C11orf24: variants seen among roughly 807,000 people sequenced by gnomAD.
C11orf24 encodes the protein chromosome 11 open reading frame 24.
Under a neutral mutation model 7.3 loss-of-function variants are expected in C11orf24, and 5 were observed. The ratio of observed to expected loss-of-function variants is 0.69; its 90% CI spans 0.36 to 1.45. The LOEUF is 1.45. Among genes scored for constraint, C11orf24 ranks in the 40% most tolerant of loss-of-function variants. C11orf24 has a pLI of 0.03. For missense variants in C11orf24, 566 were observed against 590.5 expected (o/e 0.96, Z 0.43); for synonymous variants, 233 against 235.7 (o/e 0.99, Z 0.11).
In C11orf24 at chr11:68,261,494, T is replaced by G. The variant is rs2098561561; in HGVS notation, c.*151A>C. On this transcript the variant is annotated 3_prime_UTR_variant, in exon 4 of 4. Transcript: ENST00000304271. ...AAAAGCAGCAACTCTTTAGTGATCA[T>G]GGAATTAATCTGACAGCAATTAAAT... The G allele has an allele frequency of 9.3e-6, 6 of 646,422 alleles. No homozygotes were observed. The East Asian group carries it at 1.6e-4, about 18-fold the overall frequency. 40.0% of individuals were successfully genotyped at this position (646,422 alleles called of 1,614,324 possible). A position where few individuals can be genotyped will look rare whatever the true frequency, so the allele number is the denominator to read the frequency against.
intron 2 of C11orf24, 54 bp from the exon 3 acceptor site, chr11:68,263,920 C>T (rs2098563255): frequency 1.6e-6 from 1 of 639,230 alleles, no homozygotes; most frequent in Non-Finnish European, 2.7e-6. Context: ...AACACACAGC[C>T]TTGCCTGAGA....
Position 68,261,551 on chromosome 11 carries a change from G to C in C11orf24, c.*94C>G. The C allele has an allele frequency of 8.9e-7, 1 of 1,123,352 alleles. No individual in the cohort carries two copies. The highest frequency in any genetic ancestry group is 1.5e-5 in the South Asian group (1 of 65,084). The allele number at this position is 1,123,352 out of a possible 1,614,324, so 69.6% of individuals were successfully genotyped here. A position where few individuals can be genotyped will look rare whatever the true frequency, so the allele number is the denominator to read the frequency against. On this transcript the variant is annotated 3_prime_UTR_variant, in exon 4 of 4. Coordinates refer to ENST00000304271, the MANE Select transcript of C11orf24 (RefSeq NM_022338.4). The stretch of plus-strand genomic sequence containing the variant: ...AAGCATCTGGCATATCTCCTCAATT[G>C]CACCAAAAGAATTTGGAAGCACTTG...
intron 2 of C11orf24, among the ~76,000 whole-genome samples, chr11:68,265,494 C>T (rs1387449569): frequency 2.6e-5 from 4 of 152,284 alleles, no homozygotes; most frequent in Middle Eastern, 3.4e-3. Context: ...GTGATGTGGA[C>T]GCCTTAACAC....
At chr11:68,264,566 C>CA (rs2098563826) in intron 2 of C11orf24, among the ~76,000 whole-genome samples, 2 of 140,788 alleles carry the variant, frequency 1.4e-5, no homozygotes, top group South Asian at 4.8e-4. Flanking sequence ...ACCCACTATT[C>CA]TATCCATCTA....
At chr11:68,263,267 C>T in intron 3 of C11orf24, 1 of 413,954 alleles carries the variant, frequency 2.4e-6, no homozygotes, top group Non-Finnish European at 4.4e-6. Flanking sequence ...ACTGAACGCA[C>T]ACCCAGGTTT....
At chr11:68,269,849 G>A (rs1414745508) in intron 1 of C11orf24, among the ~76,000 whole-genome samples, 1 of 152,152 alleles carries the variant, frequency 6.6e-6, no homozygotes. Flanking sequence ...GGCCTTCATT[G>A]TCCTATGACT....
chr11:68,264,321 ACCATTCATCCATCAATCCAC>A (rs544301031), intron 2 of C11orf24, among the ~76,000 whole-genome samples: 1 of 151,550 alleles, frequency 6.6e-6, no homozygotes, highest in South Asian at 2.1e-4. Context: ...ATACTACTTA[ACCATTCATCCATCAATCCAC>A]CCATTCATCC....
At chr11:68,266,621 G>A (rs1295384452) in intron 2 of C11orf24, among the ~76,000 whole-genome samples, 1 of 152,128 alleles carries the variant, frequency 6.6e-6, no homozygotes, top group African/African-American at 2.4e-5. Context: ...GTGTGGCGGG[G>A]GGGATGGGGA....
rs1486614689 is a variant in C11orf24 at position 68,261,375 on chromosome 11, G to A, written c.*270C>T. ...AGTACTTTAATTCAGGTCAGGCTCCGACACCTGGGGAGACGGGGTCCTGCC... is the reference window on the plus strand; with the variant it reads ...AGTACTTTAATTCAGGTCAGGCTCCAACACCTGGGGAGACGGGGTCCTGCC... On this transcript the variant is annotated 3_prime_UTR_variant, in exon 4 of 4. Transcript: ENST00000304271. 9.3e-6 allele frequency: 4 copies of A among 431,042 alleles called. No individual in the cohort carries two copies. The highest frequency in any genetic ancestry group is 3.1e-5 in the South Asian group (1 of 32,686). The allele number at this position is 431,042 out of a possible 1,614,324, so 26.7% of individuals were successfully genotyped here.
chr11:68,266,215 TG>T (rs2098565047), intron 2 of C11orf24, among the ~76,000 whole-genome samples: 1 of 152,136 alleles, frequency 6.6e-6, no homozygotes, highest in East Asian at 1.9e-4. Context: ...GGGAGTGACA[TG>T]GGACATGGGA....
intron 1 of C11orf24, among the ~76,000 whole-genome samples, chr11:68,270,889 T>G (rs756023187): frequency 3.0e-4 from 46 of 152,346 alleles, no homozygotes; most frequent in Admixed American, 5.9e-4. Flanking sequence ...TATGGCTTTG[T>G]GTATATAGAC....
intron 2 of C11orf24, among the ~76,000 whole-genome samples, chr11:68,264,363 C>T (rs998693425): frequency 3.0e-4 from 46 of 151,840 alleles, no homozygotes; most frequent in East Asian, 1.2e-3. Flanking sequence ...TCCACCTGCC[C>T]GCCCACCCAT....
chr11:68,269,103 C>A (rs936693462), intron 1 of C11orf24, among the ~76,000 whole-genome samples: 1 of 109,748 alleles, frequency 9.1e-6, no homozygotes, highest in Non-Finnish European at 1.8e-5. Context: ...TACTTCATAT[C>A]TTTCCTTCTT....
At chr11:68,265,703 G>C (rs1407707053) in intron 2 of C11orf24, among the ~76,000 whole-genome samples, 2 of 152,208 alleles carry the variant, frequency 1.3e-5, no homozygotes, top group East Asian at 3.9e-4. Context: ...GCCCAGGGTG[G>C]TCTCCAGCTC....
At position 68,262,611 on chromosome 11, in the gene C11orf24, C is replaced by T. The variant is rs1256353287; in HGVS notation, c.384G>A (p.Val128=). 1 of 1,613,480 alleles carries T rather than the reference C, an allele frequency of 6.2e-7. No homozygotes were observed. Among genetic ancestry groups the T allele is most frequent in the African/African-American group, 1.3e-5 (1 of 74,858 alleles). The change falls in exon 4 of 4, where the codon GTG becomes GTA. Residue 128 remains valine (V), a synonymous_variant. Coordinates refer to ENST00000304271, the MANE Select transcript of C11orf24 (RefSeq NM_022338.4). ...SITTAASSMT[V]ASSAPTTAAS... is the part of the protein sequence containing the mutation. ...CTGCAGTCGTGGGAGCACTGGAGGCCACAGTCATACTGGAGGCCGCAGTCG... is the reference window on the plus strand; with the variant it reads ...CTGCAGTCGTGGGAGCACTGGAGGCTACAGTCATACTGGAGGCCGCAGTCG...
chr11:68,263,709 G>A lies in C11orf24; in HGVS notation c.59C>T (p.Ala20Val), dbSNP rs756449465. ...IFSLSLSESH[A>V]ASNDPRNFVP... ...TCACTTACGTGGATCGTTGGATGCC[G>A]CATGGCTTTCAGATAAGGACAAGGA... Residue 20 changes from alanine (A) to valine (V), a missense_variant, in exon 3 of 4, where the codon GCG (alanine) becomes GTG (valine). Coordinates refer to ENST00000304271, the MANE Select transcript of C11orf24 (RefSeq NM_022338.4). The A allele has an allele frequency of 9.9e-6, 16 of 1,613,326 alleles. No homozygotes were observed. The highest frequency in any genetic ancestry group is 4.5e-5 in the East Asian group (2 of 44,886).
At chr11:68,270,702 T>G (rs2098567500) in intron 1 of C11orf24, among the ~76,000 whole-genome samples, 1 of 152,006 alleles carries the variant, frequency 6.6e-6, no homozygotes, top group African/African-American at 2.4e-5. Flanking sequence ...CCACATTCTA[T>G]CAGGCTATTA....
Position 68,262,833 on chromosome 11 carries a change from A to G in C11orf24, c.162T>C (p.Asp54=), listed in dbSNP as rs949625885. ...VETVDNKTSE[D]VTMAAASPVT... The stretch of plus-strand genomic sequence containing the variant: ...CAGGAGAAGCTGCTGCCATGGTTAC[A>G]TCCTCAGACGTTTTATTATCAACTG... Residue 54 remains aspartate (D), a synonymous_variant, in exon 4 of 4, where the codon GAT becomes GAC. Transcript: ENST00000304271. 1 of 1,614,036 alleles carries G rather than the reference A, an allele frequency of 6.2e-7. No homozygotes were observed. Among genetic ancestry groups the G allele is most frequent in the African/African-American group, 1.3e-5 (1 of 74,926 alleles).
At chr11:68,270,881 T>C (rs1170425120) in intron 1 of C11orf24, among the ~76,000 whole-genome samples, 3 of 152,210 alleles carry the variant, frequency 2.0e-5, no homozygotes, top group East Asian at 1.9e-4. Context: ...CACAGACTTA[T>C]GGCTTTGTGT....
Sources: gnomAD v4.1 joint callset for allele counts (sites outside exome capture counted in the v4.1 genomes callset) on GRCh38, gnomAD v4.1.1 for gene constraint, MANE v1.5 for transcripts, NCBI Gene and HGNC (gene_info 2026-07-23, HGNC 2026-07-21) for gene names.